The following SPRYD3 variants were observed in gnomAD, a reference collection of about 807,000 sequenced individuals.
SPRYD3 encodes SPRY domain-containing protein 3.
In SPRYD3, 17 loss-of-function variants were observed where a neutral mutation model predicts 50.1. That is an observed-to-expected ratio of 0.34 (90% CI 0.23 to 0.51). The LOEUF is 0.51. Ranked by LOEUF, SPRYD3 falls within the 20% of genes least tolerant of loss-of-function variation. The pLI is 0.97. For synonymous variants in SPRYD3, 198 were observed against 215.5 expected (o/e 0.92, Z 0.71); for missense variants, 401 against 591.2 (o/e 0.68, Z 3.34).
chr12:53,072,698 A>G lies in SPRYD3; in HGVS notation c.693+588T>C, dbSNP rs1944558397. Among the ~76,000 whole-genome samples the G allele has an allele frequency of 2.0e-5, 3 of 152,236 alleles. No individual in the cohort carries two copies. The South Asian group carries it at 6.2e-4, about 32-fold the overall frequency. Reference sequence around the variant, plus strand: ...CACACGCTTCCCAACGAAGCTTAAAATCCATACTAAAGCAGGTATGAGGAA... The same window carrying G: ...CACACGCTTCCCAACGAAGCTTAAAGTCCATACTAAAGCAGGTATGAGGAA... On this transcript the variant is annotated intron_variant, in intron 6 of 10. Coordinates refer to ENST00000301463, the MANE Select transcript of SPRYD3 (RefSeq NM_032840.3).
At position 53,064,617 on chromosome 12, in the gene SPRYD3, TC is replaced by T. The variant is rs1944483965; in HGVS notation, c.*1214del. On this transcript the variant is annotated 3_prime_UTR_variant, in exon 11 of 11. Transcript: ENST00000301463. ...CATACTGATAAATACGGAAACTCCATCTTTATCGGCTGTATAAACATCTCTG... is the reference window on the plus strand; with the variant it reads ...CATACTGATAAATACGGAAACTCCATTTTATCGGCTGTATAAACATCTCTG... 3.9e-5 allele frequency: 6 copies of T among 152,640 alleles called. No individual in the cohort carries two copies. The highest frequency in any genetic ancestry group is 3.9e-4 in the Admixed American group (6 of 15,278). The allele number at this position is 152,640 out of a possible 1,614,324, so 9.5% of individuals were successfully genotyped here.
intron 5 of SPRYD3, 32 bp from the exon 6 acceptor site, chr12:53,073,503 C>A: frequency 6.7e-7 from 1 of 1,495,312 alleles, no homozygotes; most frequent in Non-Finnish European, 9.0e-7. Flanking sequence ...AGCTGCCACC[C>A]GGCCTGCTTT....
At chr12:53,066,103 G>C (rs1944502864) in intron 10 of SPRYD3, 137 bp from the exon 11 acceptor site, 2 of 1,364,188 alleles carry the variant, frequency 1.5e-6, no homozygotes, top group Non-Finnish European at 2.0e-6. Context: ...GGTGTTATGG[G>C]AAGTGACCAC....
intron 4 of SPRYD3, 69 bp downstream of exon 4, chr12:53,075,026 G>C: frequency 6.3e-7 from 1 of 1,587,228 alleles, no homozygotes; most frequent in South Asian, 1.1e-5. Context: ...GCCAGCCCAA[G>C]GTAGTTCTTC....
chr12:53,077,230 T>A lies in SPRYD3; in HGVS notation c.55A>T (p.Asn19Tyr), dbSNP rs761095798. 10 of 1,614,148 alleles carry A rather than the reference T, an allele frequency of 6.2e-6. No individual in the cohort carries two copies. The Admixed American group carries it at 1.7e-4, about 27-fold the overall frequency. Reference protein sequence around the residue: ...FVLMNKMDDLNLHYRFLNWRR... With the variant: ...FVLMNKMDDLYLHYRFLNWRR... ...CAATTCAGAAACCGGTAGTGCAGGT[T>A]GAGGTCATCCATCTTGTTCATGAGA... is the stretch of plus-strand genomic sequence containing the variant. Residue 19 changes from asparagine to tyrosine, a missense_variant, in exon 2 of 11, where the codon AAC becomes TAC. Coordinates refer to ENST00000301463, the MANE Select transcript of SPRYD3 (RefSeq NM_032840.3).
rs1944573137 is a variant in SPRYD3, at chr12:53,074,333, CCT to C, written c.507+314_507+315del. 1.3e-5 allele frequency among the ~76,000 whole-genome samples: 2 copies of C among 152,190 alleles called. No homozygotes were observed. The highest frequency in any genetic ancestry group is 4.8e-5 in the African/African-American group (2 of 41,432). ...TTACATGGCCAGGCCATAATCTTCC[CCT>C]CTCTTTTATCTGCTCAAAACCTTCC... On this transcript the variant is annotated intron_variant, in intron 5 of 10. Transcript: ENST00000301463. This position sits in a 1 kb window ranked among gnomAD's most constrained non-coding sequence, Gnocchi z 4.6.
At chr12:53,077,633 T>C (rs1944599257) in intron 1 of SPRYD3, among the ~76,000 whole-genome samples, 2 of 152,054 alleles carry the variant, frequency 1.3e-5, no homozygotes, top group African/African-American at 4.8e-5. Flanking sequence ...GGAGGTGACA[T>C]TTGAGTTGAA....
At chr12:53,076,577 C>T (rs1378770897) in intron 2 of SPRYD3, among the ~76,000 whole-genome samples, 1 of 152,158 alleles carries the variant, frequency 6.6e-6, no homozygotes, top group African/African-American at 2.4e-5. Context: ...CCCCAGCAGC[C>T]TCCTGTGTCT....
At chr12:53,073,260 C>CCGGGGGGGGGGGGGGGGGGGGGGGG in intron 6 of SPRYD3, 26 bp downstream of exon 6, 6 of 416,308 alleles carry the variant, frequency 1.4e-5, no homozygotes, top group Non-Finnish European at 4.4e-6. Flanking sequence ...GACCCAGCCC[C>CCGGGGGGGGGGGGGGGGGGGGGGGG]TCCCACCCTC....
chr12:53,070,994 T>C (rs998974163), intron 6 of SPRYD3, among the ~76,000 whole-genome samples: 7 of 151,030 alleles, frequency 4.6e-5, no homozygotes, highest in Non-Finnish European at 8.9e-5. Context: ...CAGACCAGAG[T>C]GTGGACAGTC....
rs1053652339 is a variant in SPRYD3 at position 53,078,950 on chromosome 12, C to T, written c.23+361G>A. Among the ~76,000 whole-genome samples, 10 of 152,182 alleles carry T rather than the reference C, an allele frequency of 6.6e-5. No individual in the cohort carries two copies. In the East Asian group the frequency reaches 1.5e-3, roughly 23 times the overall value. ...AGTAGGCACCTGTGGGACAGACAGC[C>T]CTAAGATTCCACTCCCGGGCACTCA... is the stretch of plus-strand genomic sequence containing the variant. On this transcript the variant is annotated intron_variant, in intron 1 of 10. Coordinates refer to ENST00000301463, the MANE Select transcript of SPRYD3 (RefSeq NM_032840.3).
chr12:53,068,869 GAA>G (rs1944529615), intron 6 of SPRYD3, among the ~76,000 whole-genome samples: 1 of 152,150 alleles, frequency 6.6e-6, no homozygotes, highest in African/African-American at 2.4e-5. Context: ...ACTTGGCTGT[GAA>G]CACAGCTGTT....
At chr12:53,073,186 A>G (rs955221430) in intron 6 of SPRYD3, 100 bp downstream of exon 6, 2 of 762,636 alleles carry the variant, frequency 2.6e-6, no homozygotes, top group Admixed American at 2.3e-5. Flanking sequence ...CACTGTCCCG[A>G]CTCCCCATTC....
In SPRYD3 at chr12:53,074,869, T is replaced by C; in HGVS notation, c.372-85A>G. The stretch of plus-strand genomic sequence containing the variant: ...ACTGACAGCAGAGGCCTCATCCTCA[T>C]CTTGCTGCTCCTGGTCATTCTGTGA... On this transcript the variant is annotated intron_variant, in intron 4 of 10. Coordinates refer to ENST00000301463, the MANE Select transcript of SPRYD3 (RefSeq NM_032840.3). This position sits in a 1 kb window ranked among gnomAD's most constrained non-coding sequence, Gnocchi z 4.6. 3.9e-6 allele frequency: 6 copies of C among 1,528,202 alleles called. No homozygotes were observed. The highest frequency in any genetic ancestry group is 4.5e-6 in the Non-Finnish European group (5 of 1,111,372). 94.7% of individuals were successfully genotyped at this position (1,528,202 alleles called of 1,614,324 possible).
intron 1 of SPRYD3, chr12:53,078,177 TC>T: frequency 2.5e-6 from 1 of 395,484 alleles, no homozygotes; most frequent in Non-Finnish European, 5.1e-6. Context: ...AGACCCTGTC[TC>T]AAAAAAAAAA....
rs1944484582 is a variant in SPRYD3, at chr12:53,064,639, C to G, written c.*1193G>C. On this transcript the variant is annotated 3_prime_UTR_variant, in exon 11 of 11. Transcript: ENST00000301463. ...CCATCTTTATCGGCTGTATAAACAT[C>G]TCTGGTCTGTACATACATTTCATAC... is the stretch of plus-strand genomic sequence containing the variant. The G allele has an allele frequency of 6.6e-6, 1 of 152,654 alleles. No homozygotes were observed. The highest frequency in any genetic ancestry group is 1.5e-5 in the Non-Finnish European group (1 of 68,070). 9.5% of individuals were successfully genotyped at this position (152,654 alleles called of 1,614,324 possible).
In SPRYD3 at chr12:53,065,689, C is replaced by T. The variant is rs1232795089; in HGVS notation, c.*143G>A. ...GAAACGTGGGCACAGAGAAGCGTGA[C>T]AGGGGCCTGAGCCAGTGGGGGCAGA... On this transcript the variant is annotated 3_prime_UTR_variant, in exon 11 of 11. Coordinates refer to ENST00000301463, the MANE Select transcript of SPRYD3 (RefSeq NM_032840.3). 1.2e-6 allele frequency: 1 copy of T among 840,344 alleles called. No individual in the cohort carries two copies. The highest frequency in any genetic ancestry group is 1.9e-6 in the Non-Finnish European group (1 of 526,596). The allele number at this position is 840,344 out of a possible 1,614,324, so 52.1% of individuals were successfully genotyped here. A position where few individuals can be genotyped will look rare whatever the true frequency, so the allele number is the denominator to read the frequency against.
chr12:53,072,625 C>T (rs962685181), intron 6 of SPRYD3, among the ~76,000 whole-genome samples: 4 of 152,160 alleles, frequency 2.6e-5, no homozygotes, highest in African/African-American at 7.2e-5. Context: ...ATGAATTTTC[C>T]AACAAAACTT....
chr12:53,069,808 C>T (rs1225082565), intron 6 of SPRYD3, among the ~76,000 whole-genome samples: 1 of 152,214 alleles, frequency 6.6e-6, no homozygotes, highest in Non-Finnish European at 1.5e-5. Context: ...TTAGACTCCA[C>T]CCAGGCAGAG....
Sources: gnomAD v4.1 joint callset for allele counts (sites outside exome capture counted in the v4.1 genomes callset) on GRCh38, gnomAD v4.1.1 for gene constraint, Gnocchi (gnomAD v3.1) non-coding constraint, MANE v1.5 for transcripts, NCBI Gene and HGNC (gene_info 2026-07-23, HGNC 2026-07-21) for gene names.